The following CTIF variants were observed in gnomAD, a reference collection of about 807,000 sequenced individuals.
CTIF encodes CBP80/20-dependent translation initiation factor.
A neutral mutation model predicts 66.0 loss-of-function variants in CTIF; 21 were observed. The observed-to-expected ratio is 0.32, with a 90% CI of 0.23 to 0.46. CTIF has a LOEUF of 0.46. CTIF is among the 20% of genes least tolerant of loss of function. The pLI is 1.00. For synonymous variants in CTIF, 345 were observed against 326.4 expected (o/e 1.06, Z -0.62); for missense variants, 739 against 812.7 (o/e 0.91, Z 1.10).
chr18:48,609,101 C>T (rs1055815912), intron 1 of CTIF, among the ~76,000 whole-genome samples: 2 of 152,210 alleles, frequency 1.3e-5, no homozygotes, highest in Non-Finnish European at 2.9e-5. Context: ...TCAGAGTCCA[C>T]AGAAGAGAGA....
intron 10 of CTIF, among the ~76,000 whole-genome samples, chr18:48,837,435 G>A (rs1025090976): frequency 1.3e-5 from 2 of 152,060 alleles, no homozygotes; most frequent in Non-Finnish European, 2.9e-5. Flanking sequence ...AGAGGAGGAG[G>A]AGTGGCCTGG....
rs550969641 is a variant in CTIF, at chr18:48,605,607, G to A, written c.-28-13931G>A. 3.3e-5 allele frequency among the ~76,000 whole-genome samples: 5 copies of A among 152,370 alleles called. No homozygotes were observed. The South Asian group carries it at 1.0e-3, about 32-fold the overall frequency. ...ATGGGAAGTAGAGACCAAAGACTCTGATGGACTAATTAGAACAGCCATCAG... is the reference window on the plus strand; with the variant it reads ...ATGGGAAGTAGAGACCAAAGACTCTAATGGACTAATTAGAACAGCCATCAG... On this transcript the variant is annotated intron_variant, in intron 1 of 11. Transcript: ENST00000256413.
intron 11 of CTIF, among the ~76,000 whole-genome samples, chr18:48,858,069 T>C (rs775694933): frequency 6.6e-6 from 1 of 152,268 alleles, no homozygotes; most frequent in Non-Finnish European, 1.5e-5. Context: ...CTCCTGTCCC[T>C]AAGCTGTGGC....
At chr18:48,647,514 C>T (rs766344897) in intron 3 of CTIF, among the ~76,000 whole-genome samples, 14 of 152,234 alleles carry the variant, frequency 9.2e-5, no homozygotes, top group Middle Eastern at 6.8e-3. Context: ...AGGGAAACTG[C>T]GTATAGGGCA....
At chr18:48,751,812 G>A (rs538153431) in intron 7 of CTIF, among the ~76,000 whole-genome samples, 3 of 152,236 alleles carry the variant, frequency 2.0e-5, no homozygotes, top group Non-Finnish European at 2.9e-5. Context: ...ACTTCTCTCA[G>A]AGGGCTGCAG....
chr18:48,827,284 T>C lies in CTIF; in HGVS notation c.1527+9908T>C, dbSNP rs2068601443. On this transcript the variant is annotated intron_variant, in intron 10 of 11. Transcript: ENST00000256413. ...TAAACTGGAAAGTCTCCTGGACACATTGCTTGCTAGAAATGTGCTGAGATA... is the reference window on the plus strand; with the variant it reads ...TAAACTGGAAAGTCTCCTGGACACACTGCTTGCTAGAAATGTGCTGAGATA... 1.3e-5 allele frequency among the ~76,000 whole-genome samples: 2 copies of C among 152,198 alleles called. 1 individual carries two copies. The highest frequency in any genetic ancestry group is 4.1e-4 in the South Asian group (2 of 4,828).
intron 10 of CTIF, among the ~76,000 whole-genome samples, chr18:48,817,789 G>A (rs74253057): frequency 0.099 from 14,236 of 143,464 alleles, 799 homozygotes; most frequent in East Asian, 0.22. Context: ...AAAAAAAAAA[G>A]GGGGCCCATC....
chr18:48,763,981 T>C (rs951256763), intron 9 of CTIF, among the ~76,000 whole-genome samples: 1 of 152,122 alleles, frequency 6.6e-6, no homozygotes, highest in Non-Finnish European at 1.5e-5. Context: ...CCACCTTGTC[T>C]CTGGAGCAGA....
chr18:48,828,061 C>T (rs35118863), intron 10 of CTIF, among the ~76,000 whole-genome samples: 155 of 151,700 alleles, frequency 1.0e-3, no homozygotes, highest in Non-Finnish European at 1.8e-3. Flanking sequence ...CTTCCTTAGC[C>T]AGACTCTGCA....
rs377258643 is a variant in CTIF, at chr18:48,859,334, C to G, written c.1582-10C>G. Reference sequence around the variant, plus strand: ...CCGAGGCCATCCTAACCCCACATCTCTGTCTGCAGCTGCAGAGTACAGGCC... The same window carrying G: ...CCGAGGCCATCCTAACCCCACATCTGTGTCTGCAGCTGCAGAGTACAGGCC... On this transcript the variant is annotated splice_polypyrimidine_tract_variant and intron_variant, in intron 11 of 11. Coordinates refer to ENST00000256413, the MANE Select transcript of CTIF (RefSeq NM_014772.3). 3.3e-5 allele frequency: 54 copies of G among 1,613,230 alleles called. No homozygotes were observed. In the African/African-American group the frequency reaches 6.9e-4, roughly 21 times the overall value.
chr18:48,690,590 T>A (rs1568138900), intron 6 of CTIF, among the ~76,000 whole-genome samples: 1 of 152,314 alleles, frequency 6.6e-6, no homozygotes, highest in East Asian at 1.9e-4. Flanking sequence ...TTCTCCTGGC[T>A]GATCCATCAT....
At chr18:48,552,566 C>T (rs973020002) in intron 1 of CTIF, among the ~76,000 whole-genome samples, 7 of 152,122 alleles carry the variant, frequency 4.6e-5, no homozygotes, top group African/African-American at 7.2e-5. Flanking sequence ...TGGGTGAGGA[C>T]GTTCTCTGGG....
chr18:48,698,593 A>C (rs575740194), intron 6 of CTIF, among the ~76,000 whole-genome samples: 11 of 152,368 alleles, frequency 7.2e-5, no homozygotes, highest in Admixed American at 2.6e-4. Flanking sequence ...ACTTTATTTA[A>C]AGAAACTCTA....
chr18:48,735,177 TAGAGTAGCCA>T (rs2092489902), intron 7 of CTIF, among the ~76,000 whole-genome samples: 1 of 152,120 alleles, frequency 6.6e-6, no homozygotes, highest in Non-Finnish European at 1.5e-5. Flanking sequence ...CTTTGCAGTT[TAGAGTAGCCA>T]AGAAGCCTTC....
intron 1 of CTIF, among the ~76,000 whole-genome samples, chr18:48,609,418 T>C (rs761853439): frequency 1.3e-5 from 2 of 152,136 alleles, no homozygotes; most frequent in Non-Finnish European, 2.9e-5. Context: ...AGTTGTGAAG[T>C]CGAGTGACAA....
At chr18:48,727,324 C>T (rs2092395026) in intron 7 of CTIF, among the ~76,000 whole-genome samples, 1 of 152,172 alleles carries the variant, frequency 6.6e-6, no homozygotes, top group African/African-American at 2.4e-5. Flanking sequence ...CAGGGTCTTT[C>T]ATGAGATTGC....
At chr18:48,603,543 G>T (rs1040888974) in intron 1 of CTIF, among the ~76,000 whole-genome samples, 23 of 142,546 alleles carry the variant, frequency 1.6e-4, no homozygotes, top group African/African-American at 6.2e-4. Flanking sequence ...GGATGAATGT[G>T]TGGATGGATG....
chr18:48,736,469 G>A (rs1400937675), intron 7 of CTIF, among the ~76,000 whole-genome samples: 1 of 152,230 alleles, frequency 6.6e-6, no homozygotes, highest in African/African-American at 2.4e-5. Context: ...GCAATGCAGG[G>A]CTTCATGGAA....
At chr18:48,634,714 C>G (rs929523269) in intron 2 of CTIF, among the ~76,000 whole-genome samples, 2 of 152,176 alleles carry the variant, frequency 1.3e-5, no homozygotes, top group African/African-American at 4.8e-5. Flanking sequence ...AATTGTGGTC[C>G]GCAGGGGTCA....
Sources: gnomAD v4.1 joint callset for allele counts (sites outside exome capture counted in the v4.1 genomes callset) on GRCh38, gnomAD v4.1.1 for gene constraint, MANE v1.5 for transcripts, NCBI Gene and HGNC (gene_info 2026-07-23, HGNC 2026-07-21) for gene names.